TMEM232: variants seen among roughly 807,000 people sequenced by gnomAD.
The protein encoded by TMEM232 is transmembrane protein 232.
In TMEM232, 80 loss-of-function variants were observed where a neutral mutation model predicts 78.8. The ratio of observed to expected loss-of-function variants is 1.01; its 90% CI spans 0.85 to 1.22. TMEM232 has a LOEUF of 1.22. Among genes scored for constraint, TMEM232 ranks in the 50% most tolerant of loss-of-function variants. The pLI is 0.00. For missense variants in TMEM232, 881 were observed against 742.2 expected (o/e 1.19, Z -2.17); for synonymous variants, 297 against 254.3 (o/e 1.17, Z -1.60).
intron 2 of TMEM232, 34 bp from the exon 3 acceptor site, chr5:110,642,405 AG>A: frequency 7.0e-7 from 1 of 1,428,288 alleles, no homozygotes; most frequent in Non-Finnish European, 9.3e-7. Context: ...ACATTTAAAA[AG>A]TATAGCTATC....
At chr5:110,603,334 G>A (rs1177024823) in intron 10 of TMEM232, among the ~76,000 whole-genome samples, 1 of 151,904 alleles carries the variant, frequency 6.6e-6, no homozygotes, top group Admixed American at 6.6e-5. Flanking sequence ...CTGTTGAGGA[G>A]GAAAAAAATG....
intron 10 of TMEM232, among the ~76,000 whole-genome samples, chr5:110,601,970 A>G (rs771769611): frequency 2.6e-5 from 4 of 152,190 alleles, no homozygotes; most frequent in Non-Finnish European, 5.9e-5. Context: ...GGAACAGAAC[A>G]GAGGCTTCAG....
At chr5:110,565,348 A>G (rs566112224) in intron 11 of TMEM232, among the ~76,000 whole-genome samples, 15 of 151,956 alleles carry the variant, frequency 9.9e-5, no homozygotes, top group African/African-American at 2.6e-4. Flanking sequence ...CCCCATTTTC[A>G]GAGAAGGAAA....
At chr5:110,594,733 A>G (rs746036670) in intron 10 of TMEM232, among the ~76,000 whole-genome samples, 1 of 152,160 alleles carries the variant, frequency 6.6e-6, no homozygotes, top group Non-Finnish European at 1.5e-5. Context: ...CTGCCTCTCT[A>G]GATTCCTCCT....
intron 2 of TMEM232, among the ~76,000 whole-genome samples, chr5:110,405,894 T>C (rs1205231075): frequency 2.0e-5 from 3 of 151,822 alleles, no homozygotes; most frequent in African/African-American, 4.8e-5. Context: ...ACAAATTTTA[T>C]AAAAAATTAT....
intron 10 of TMEM232, among the ~76,000 whole-genome samples, chr5:110,568,854 C>G (rs552445034): frequency 2.0e-5 from 3 of 151,756 alleles, no homozygotes; most frequent in African/African-American, 4.8e-5. Flanking sequence ...AAAACTGCAC[C>G]TAACTGGTAT....
intron 1 of TMEM232, among the ~76,000 whole-genome samples, chr5:110,701,464 C>A (rs545374744): frequency 4.0e-5 from 6 of 151,894 alleles, no homozygotes; most frequent in Non-Finnish European, 8.8e-5. Flanking sequence ...GTAAGAAAAT[C>A]TTATAGGAAA....
At chr5:110,618,367 T>C (rs965387923) in intron 8 of TMEM232, 62 bp downstream of exon 8, 3 of 1,533,500 alleles carry the variant, frequency 2.0e-6, no homozygotes, top group African/African-American at 1.4e-5. Flanking sequence ...ACAAGGGTTA[T>C]TTAACATTTA....
Position 110,652,286 on chromosome 5 carries a change from A to ACGCG in TMEM232, c.126-9919_126-9916dup, listed in dbSNP as rs202204268. On this transcript the variant is annotated intron_variant, in intron 2 of 13. Coordinates refer to ENST00000455884, the MANE Select transcript of TMEM232 (RefSeq NM_001039763.4). ...ACAACCCCCAAGCACACAAAAGTGC[A>ACGCG]CGCGCGCGCACACACACACACACAC... 2.8e-5 allele frequency among the ~76,000 whole-genome samples: 4 copies of ACGCG among 143,494 alleles called. 1 individual carries two copies. Among genetic ancestry groups the ACGCG allele is most frequent in the South Asian group, 2.2e-4 (1 of 4,454 alleles). 94.1% of individuals were successfully genotyped at this position (143,494 alleles called of 152,430 possible).
rs563329124 is a variant in TMEM232, at chr5:110,477,764, T to C, written c.1703+50824A>G. On this transcript the variant is annotated intron_variant, in intron 12 of 13. Coordinates refer to ENST00000455884, the MANE Select transcript of TMEM232 (RefSeq NM_001039763.4). Reference sequence around the variant, plus strand: ...ACTACATCAACATCCATCAAATGAATTGATTACATCTACATGCTCATTTTG... The same window carrying C: ...ACTACATCAACATCCATCAAATGAACTGATTACATCTACATGCTCATTTTG... Among the ~76,000 whole-genome samples the C allele has an allele frequency of 1.7e-3, 264 of 152,034 alleles. 2 individuals carry two copies. Among genetic ancestry groups the C allele is most frequent in the African/African-American group, 6.0e-3 (250 of 41,556 alleles).
At chr5:110,666,354 AT>A (rs746780810) in intron 2 of TMEM232, among the ~76,000 whole-genome samples, 12 of 152,272 alleles carry the variant, frequency 7.9e-5, no homozygotes, top group Non-Finnish European at 1.8e-4. Context: ...TTTCTATTGT[AT>A]TCTACTATTC....
At chr5:110,600,930 G>C (rs1314279540) in intron 10 of TMEM232, among the ~76,000 whole-genome samples, 4 of 152,080 alleles carry the variant, frequency 2.6e-5, no homozygotes, top group African/African-American at 9.7e-5. Flanking sequence ...GCAAACCAAA[G>C]CTGGCAGCAC....
intron 12 of TMEM232, among the ~76,000 whole-genome samples, chr5:110,515,185 C>T (rs971524478): frequency 1.3e-5 from 2 of 152,190 alleles, no homozygotes; most frequent in African/African-American, 4.8e-5. Flanking sequence ...AAGGGTAGTA[C>T]TTCACATAGT....
At chr5:110,677,945 T>C (rs1390527304) in intron 1 of TMEM232, among the ~76,000 whole-genome samples, 3 of 152,128 alleles carry the variant, frequency 2.0e-5, no homozygotes, top group East Asian at 3.8e-4. Flanking sequence ...TCAATCCAAA[T>C]TGGATAAAAT....
intron 2 of TMEM232, among the ~76,000 whole-genome samples, chr5:110,734,509 T>C (rs1032064965): frequency 1.3e-5 from 2 of 152,366 alleles, no homozygotes; most frequent in Admixed American, 1.3e-4. Flanking sequence ...AGTATAATAC[T>C]ATGGTAGAGG....
At chr5:110,654,011 A>T (rs1406047563) in intron 2 of TMEM232, among the ~76,000 whole-genome samples, 1 of 152,202 alleles carries the variant, frequency 6.6e-6, no homozygotes, top group Non-Finnish European at 1.5e-5. Context: ...AGAGTTAGGA[A>T]ACAAGAGGGA....
At chr5:110,661,843 T>G (rs1369706146) in intron 2 of TMEM232, among the ~76,000 whole-genome samples, 1 of 152,214 alleles carries the variant, frequency 6.6e-6, no homozygotes, top group Non-Finnish European at 1.5e-5. Context: ...CCAGTTTAGT[T>G]GGGGTGAGAT....
intron 2 of TMEM232, among the ~76,000 whole-genome samples, chr5:110,407,361 T>C (rs967782524): frequency 1.3e-5 from 2 of 151,906 alleles, no homozygotes; most frequent in African/African-American, 2.4e-5. Context: ...ATGGAAACCA[T>C]AAAAGAGAGG....
chr5:110,669,368 T>A (rs1282041551), intron 1 of TMEM232, among the ~76,000 whole-genome samples: 7 of 152,110 alleles, frequency 4.6e-5, no homozygotes, highest in East Asian at 3.9e-4. Flanking sequence ...GCAAATAAAC[T>A]AGAAAATCTA....
Sources: allele counts gnomAD v4.1 joint callset (sites outside exome capture counted in the v4.1 genomes callset), GRCh38; gene constraint gnomAD v4.1.1; transcripts MANE v1.5; gene names NCBI Gene and HGNC (gene_info 2026-07-23, HGNC 2026-07-21).